The following SMG7 variants were observed in gnomAD, a reference collection of about 807,000 sequenced individuals.
SMG7 encodes nonsense-mediated mRNA decay factor SMG7.
Under a neutral mutation model 148.2 loss-of-function variants are expected in SMG7, and 34 were observed. The observed-to-expected ratio is 0.23, with a 90% CI of 0.17 to 0.31. SMG7 has a LOEUF of 0.31. Among genes scored for constraint, SMG7 ranks in the 10% least tolerant of loss-of-function variants. The probability of loss-of-function intolerance (pLI) is 1.00; values close to 1 mark genes in which losing one functional copy is unlikely to be tolerated. For synonymous variants in SMG7, 492 were observed against 515.1 expected (o/e 0.96, Z 0.61); for missense variants, 1,114 against 1,408.4 (o/e 0.79, Z 3.35).
Position 183,533,325 on chromosome 1 carries a change from T to C in SMG7, c.1005T>C (p.Phe335=), listed in dbSNP as rs1572030092. 6.2e-7 allele frequency: 1 copy of C among 1,612,572 alleles called. No homozygotes were observed. The highest frequency in any genetic ancestry group is 8.5e-7 in the Non-Finnish European group (1 of 1,179,382). The part of the protein sequence containing the change: ...QLCWTQLLAL[F]MSFLGILCKC... ...GTTGGACACAGTTGCTGGCCCTCTT[T>C]AGTGAGTATTGAATTACTTAACATG... The change falls in exon 9 of 23, where the codon TTT becomes TTC. Residue 335 remains phenylalanine, a splice_region_variant and synonymous_variant. Coordinates refer to ENST00000688051, the MANE Select transcript of SMG7 (RefSeq NM_001375584.1).
chr1:183,544,473 T>G lies in SMG7; in HGVS notation c.1963T>G (p.Phe655Val), dbSNP rs1442105499. ...QFIPIHHPGA[F>V]PPLPSRPGFP... is the part of the protein sequence containing the mutation. ...CATCCCCATTCATCACCCTGGAGCC[T>G]TCCCTCCTCTTCCCAGCAGGCCAGG... Residue 655 changes from phenylalanine (F) to valine (V), a missense_variant, in exon 15 of 23, where the codon TTC (phenylalanine) becomes GTC (valine). Transcript: ENST00000688051. 6.2e-7 allele frequency: 1 copy of G among 1,613,700 alleles called. No individual in the cohort carries two copies. Among genetic ancestry groups the G allele is most frequent in the African/African-American group, 1.3e-5 (1 of 74,932 alleles).
chr1:183,536,264 CT>C (rs1010194522), intron 10 of SMG7, among the ~76,000 whole-genome samples: 3 of 152,092 alleles, frequency 2.0e-5, no homozygotes, highest in African/African-American at 7.2e-5. Flanking sequence ...AAGCTAATTA[CT>C]TTAACCAAAT....
At chr1:183,535,669 T>G (rs543896839) in intron 10 of SMG7, among the ~76,000 whole-genome samples, 1 of 152,312 alleles carries the variant, frequency 6.6e-6, no homozygotes, top group African/African-American at 2.4e-5. Flanking sequence ...GAATTTACTT[T>G]CCCTTGTACT....
chr1:183,547,657 G>A (rs1000736101), intron 18 of SMG7, among the ~76,000 whole-genome samples: 2 of 152,082 alleles, frequency 1.3e-5, no homozygotes, highest in African/African-American at 2.4e-5. Flanking sequence ...AAGGAAATAT[G>A]TTCTTGATTT....
In SMG7 at chr1:183,540,991, G is replaced by A. The variant is rs998558236; in HGVS notation, c.1303G>A (p.Asp435Asn). The A allele has an allele frequency of 6.2e-7, 1 of 1,611,680 alleles. No individual in the cohort carries two copies. The highest frequency in any genetic ancestry group is 8.5e-7 in the Non-Finnish European group (1 of 1,178,924). ...TGCTTGTGTCAATTTTAGGAACTTG[G>A]ATTTTTCCAAAGGTCACCAGGGTAT... ...LALRPSFRNL[D>N]FSKGHQGITG... Residue 435 changes from aspartate to asparagine, a missense_variant, in exon 13 of 23, where the codon GAT becomes AAT. Transcript: ENST00000688051.
chr1:183,482,379 T>A (rs1259796985), intron 1 of SMG7, among the ~76,000 whole-genome samples: 1 of 152,028 alleles, frequency 6.6e-6, no homozygotes, highest in African/African-American at 2.4e-5. Context: ...GTACTTCCTC[T>A]TGAGATATGT....
Position 183,544,980 on chromosome 1 carries a change from G to T in SMG7, c.2038G>T (p.Gly680Cys). ...VIPPPVAFSM[G>C]SGYTFPAGVS... ...CCCCCCGCCTGTGGCATTTTCTATG[G>T]GCTCAGGTTACACCTTCCCAGCTGG... is the stretch of plus-strand genomic sequence containing the variant. The change falls in exon 16 of 23, where the codon GGC (glycine) becomes TGC (cysteine). Residue 680 changes from glycine to cysteine, a missense_variant. Gly to Cys is a radical substitution (Grantham distance 159). This residue lies in a region of SMG7 where 788 missense variants were observed against 894.5 expected (regional missense o/e 0.88). Transcript: ENST00000688051. 6.2e-7 allele frequency: 1 copy of T among 1,613,382 alleles called. No homozygotes were observed. Among genetic ancestry groups the T allele is most frequent in the Non-Finnish European group, 8.5e-7 (1 of 1,179,798 alleles).
In SMG7 at chr1:183,549,933, A is replaced by G. The variant is rs375326085; in HGVS notation, c.3133+10A>G. ...CTTCCTGCCAGTTCAGGTATTAACT[A>G]CTCTTTAAATTATAGACCTTACATT... On this transcript the variant is annotated intron_variant, in intron 20 of 22. Transcript: ENST00000688051. The G allele has an allele frequency of 3.7e-6, 6 of 1,603,906 alleles. No homozygotes were observed. Among genetic ancestry groups the G allele is most frequent in the East Asian group, 2.2e-5 (1 of 44,792 alleles).
rs142983671 is a variant in SMG7, at chr1:183,480,224, A to G, written c.29+7575A>G. ...TTCTTTTAAATTATTCCCTTTACCG[A>G]TCTTACTTTCTGTGAACCAATCTCA... On this transcript the variant is annotated intron_variant, in intron 1 of 22. Coordinates refer to ENST00000688051, the MANE Select transcript of SMG7 (RefSeq NM_001375584.1). 7.2e-4 allele frequency among the ~76,000 whole-genome samples: 109 copies of G among 151,966 alleles called. 1 individual carries two copies. Among genetic ancestry groups the G allele is most frequent in the African/African-American group, 2.6e-3 (109 of 41,446 alleles).
At chr1:183,477,583 C>T (rs1324466128) in intron 1 of SMG7, among the ~76,000 whole-genome samples, 13 of 69,996 alleles carry the variant, frequency 1.9e-4, no homozygotes, top group African/African-American at 3.5e-4. Context: ...TGCATATATA[C>T]GTGTGTGCAT....
intron 1 of SMG7, among the ~76,000 whole-genome samples, chr1:183,500,566 G>A (rs1318330713): frequency 6.6e-6 from 1 of 152,138 alleles, no homozygotes; most frequent in African/African-American, 2.4e-5. Context: ...TAATTGAATA[G>A]GACAGTTTCT....
At chr1:183,500,255 A>G (rs910959674) in intron 1 of SMG7, among the ~76,000 whole-genome samples, 2 of 152,198 alleles carry the variant, frequency 1.3e-5, no homozygotes, top group Non-Finnish European at 2.9e-5. Context: ...TATATTATAT[A>G]GATTCCACTA....
chr1:183,483,984 CT>C (rs969460684), intron 1 of SMG7, among the ~76,000 whole-genome samples: 6 of 152,140 alleles, frequency 3.9e-5, no homozygotes, highest in Non-Finnish European at 7.4e-5. Context: ...TTAAGACTGG[CT>C]TAATTTGTAT....
chr1:183,519,428 AT>A (rs141618990), intron 4 of SMG7, among the ~76,000 whole-genome samples: 2,333 of 151,800 alleles, frequency 0.015, 29 homozygotes, highest in Middle Eastern at 0.024. Flanking sequence ...GATGTTAAAG[AT>A]TAATTCATTT....
At position 183,527,506 on chromosome 1, in the gene SMG7, C is replaced by G. The variant is rs1321949863; in HGVS notation, c.485-450C>G. 2.4e-6 allele frequency: 1 copy of G among 414,604 alleles called. No homozygotes were observed. The highest frequency in any genetic ancestry group is 2.1e-5 in the African/African-American group (1 of 48,324). 25.7% of individuals were successfully genotyped at this position (414,604 alleles called of 1,614,324 possible). A position where few individuals can be genotyped will look rare whatever the true frequency, so the allele number is the denominator to read the frequency against. On this transcript the variant is annotated intron_variant, in intron 5 of 22. Transcript: ENST00000688051. This position sits in a 1 kb window ranked among gnomAD's most constrained non-coding sequence, Gnocchi z 4.0. ...TTGCTTTAAATATAATCTTTGCACA[C>G]ACATATTTAATATTGCAATAGGAAT...
chr1:183,518,982 C>G (rs978039621), intron 4 of SMG7, among the ~76,000 whole-genome samples: 1 of 152,116 alleles, frequency 6.6e-6, no homozygotes, highest in Admixed American at 6.6e-5. Context: ...TGCAGTGGCT[C>G]AGGCCTGTAA....
At chr1:183,550,980 G>T in intron 21 of SMG7, 59 bp downstream of exon 21, 1 of 1,613,224 alleles carries the variant, frequency 6.2e-7, no homozygotes, top group Non-Finnish European at 8.5e-7. Flanking sequence ...TCCTTCCCTG[G>T]GGTCTGGCAA....
rs187430968 is a variant in SMG7, at chr1:183,530,127, T to G, written c.843+594T>G. Among the ~76,000 whole-genome samples, 211 of 152,304 alleles carry G rather than the reference T, an allele frequency of 1.4e-3. 1 individual carries two copies. The highest frequency in any genetic ancestry group is 2.0e-3 in the Non-Finnish European group (136 of 67,992). On this transcript the variant is annotated intron_variant, in intron 8 of 22. Coordinates refer to ENST00000688051, the MANE Select transcript of SMG7 (RefSeq NM_001375584.1). ...TCAAAAGTATTAACTTTTTTTCAGT[T>G]CATGTATTCAAATAAATATTTGACT... is the stretch of plus-strand genomic sequence containing the variant.
chr1:183,550,913 A>G lies in SMG7; in HGVS notation c.3296A>G (p.Asp1099Gly). 1 of 1,613,820 alleles carries G rather than the reference A, an allele frequency of 6.2e-7. No individual in the cohort carries two copies. Among genetic ancestry groups the G allele is most frequent in the Non-Finnish European group, 8.5e-7 (1 of 1,179,900 alleles). The change falls in exon 21 of 23, where the codon GAT becomes GGT. Residue 1099 changes from aspartate (D) to glycine (G), a missense_variant. Physicochemically the swap from Asp to Gly is moderately conservative, Grantham distance 94 (BLOSUM62 -1). Coordinates refer to ENST00000688051, the MANE Select transcript of SMG7 (RefSeq NM_001375584.1). ...DRRTADRWKTDKPAMGGFGID... is the reference protein window; with the variant it reads ...DRRTADRWKTGKPAMGGFGID... ...AGGACTGCAGATCGGTGGAAAACTG[A>G]TAAGCCAGGTGAGATCTACATTTCA...
Sources: allele counts gnomAD v4.1 joint callset (sites outside exome capture counted in the v4.1 genomes callset), GRCh38; gene constraint gnomAD v4.1.1; regional missense constraint gnomAD v4.1.1; non-coding constraint Gnocchi (gnomAD v3.1); transcripts MANE v1.5; gene names NCBI Gene and HGNC (gene_info 2026-07-23, HGNC 2026-07-21).